PCNX2: variants seen among roughly 807,000 people sequenced by gnomAD.
The protein encoded by PCNX2 is pecanex-like protein 2.
Under a neutral mutation model 223.8 loss-of-function variants are expected in PCNX2, and 168 were observed. The ratio of observed to expected loss-of-function variants is 0.75; its 90% CI spans 0.66 to 0.85. The LOEUF is 0.85. Ranked by LOEUF, PCNX2 falls within the 40% of genes least tolerant of loss-of-function variation. The pLI, the probability that PCNX2 is intolerant of heterozygous loss-of-function variation, is 0.00. For missense variants in PCNX2, 2,507 were observed against 2,675.5 expected (o/e 0.94, Z 1.39); for synonymous variants, 1,006 against 1,052.6 (o/e 0.96, Z 0.86).
At chr1:233,238,887 T>G (rs1273186071) in intron 8 of PCNX2, among the ~76,000 whole-genome samples, 1 of 152,178 alleles carries the variant, frequency 6.6e-6, no homozygotes, top group Non-Finnish European at 1.5e-5. Flanking sequence ...TATTTAATGT[T>G]TGCTCCTAAA....
intron 21 of PCNX2, among the ~76,000 whole-genome samples, chr1:233,133,904 C>T (rs1676654153): frequency 6.6e-6 from 1 of 151,708 alleles, no homozygotes; most frequent in Non-Finnish European, 1.5e-5. Context: ...AATTCACGTG[C>T]AATGGTGGGG....
chr1:233,117,089 A>C (rs1675456740), intron 21 of PCNX2, among the ~76,000 whole-genome samples: 1 of 152,212 alleles, frequency 6.6e-6, no homozygotes, highest in Non-Finnish European at 1.5e-5. Context: ...CAGAAAACCC[A>C]ATATGAAATA....
intron 28 of PCNX2, among the ~76,000 whole-genome samples, chr1:233,006,571 A>G (rs1355490307): frequency 6.6e-6 from 1 of 152,212 alleles, no homozygotes; most frequent in East Asian, 1.9e-4. Context: ...GTGGAGGAGA[A>G]GGGCTCCAAG....
intron 19 of PCNX2, among the ~76,000 whole-genome samples, chr1:233,147,045 C>A (rs1353999476): frequency 6.6e-6 from 1 of 152,172 alleles, no homozygotes; most frequent in Non-Finnish European, 1.5e-5. Context: ...ACTATCCATG[C>A]CTTTCCAAAT....
chr1:233,184,779 T>G (rs959988450), intron 15 of PCNX2, among the ~76,000 whole-genome samples: 10 of 152,156 alleles, frequency 6.6e-5, no homozygotes, highest in African/African-American at 2.4e-4. Context: ...GGAAGAAGGA[T>G]GTTTATGTCC....
At chr1:233,190,734 C>A (rs1042848957) in intron 15 of PCNX2, among the ~76,000 whole-genome samples, 2 of 152,182 alleles carry the variant, frequency 1.3e-5, no homozygotes, top group Admixed American at 6.5e-5. Context: ...CTTTCCATCA[C>A]AGAGTTAACG....
chr1:233,249,036 G>A (rs1278237665), intron 8 of PCNX2, among the ~76,000 whole-genome samples: 3 of 152,202 alleles, frequency 2.0e-5, no homozygotes, highest in Non-Finnish European at 2.9e-5. Flanking sequence ...AATTTACGGG[G>A]AGAAAGCAAG....
At position 233,295,047 on chromosome 1, in the gene PCNX2, C is replaced by G. The variant is rs2103033766; in HGVS notation, c.153+279G>C. Reference sequence around the variant, plus strand: ...ACCTACAAAACAGGCTGCACGCTCCCTGCCACAAGCAGAGTGACTCATCCT... The same window carrying G: ...ACCTACAAAACAGGCTGCACGCTCCGTGCCACAAGCAGAGTGACTCATCCT... On this transcript the variant is annotated intron_variant, in intron 1 of 33. Coordinates refer to ENST00000258229, the MANE Select transcript of PCNX2 (RefSeq NM_014801.4). This position sits in a 1 kb window ranked among gnomAD's most constrained non-coding sequence, Gnocchi z 4.1. 6.6e-6 allele frequency among the ~76,000 whole-genome samples: 1 copy of G among 152,294 alleles called. No individual in the cohort carries two copies. The highest frequency in any genetic ancestry group is 2.4e-5 in the African/African-American group (1 of 41,564).
the PCNX2 span, among the ~76,000 whole-genome samples, chr1:233,302,643 A>G: frequency 2.7e-5 from 2 of 73,472 alleles, no homozygotes; most frequent in African/African-American, 4.4e-5. Context: ...TTCTCCTTCC[A>G]TCATATATAT....
intron 9 of PCNX2, chr1:233,231,605 G>T: frequency 1.0e-6 from 1 of 962,398 alleles, no homozygotes; most frequent in Non-Finnish European, 1.2e-6. Context: ...TTCTCAGAAC[G>T]TATCTGTAGA....
Position 233,293,514 on chromosome 1 carries a change from G to A in PCNX2, c.153+1812C>T, listed in dbSNP as rs118076880. On this transcript the variant is annotated intron_variant, in intron 1 of 33. Coordinates refer to ENST00000258229, the MANE Select transcript of PCNX2 (RefSeq NM_014801.4). ...AACAACTAAGTACCAGACAGAATTCGAAAAGTACTATTAATGCTAATAGTC... is the reference window on the plus strand; with the variant it reads ...AACAACTAAGTACCAGACAGAATTCAAAAAGTACTATTAATGCTAATAGTC... Among the ~76,000 whole-genome samples the A allele has an allele frequency of 6.4e-4, 98 of 152,270 alleles. 1 individual carries two copies. In the East Asian group the frequency reaches 0.011, roughly 17 times the overall value.
the PCNX2 span, among the ~76,000 whole-genome samples, chr1:233,316,398 CTT>C: frequency 6.6e-6 from 1 of 151,864 alleles, no homozygotes; most frequent in Non-Finnish European, 1.5e-5. Flanking sequence ...TTTAACTGCA[CTT>C]TTTTTTCACT....
chr1:233,170,159 G>A (rs1679066877), intron 17 of PCNX2, among the ~76,000 whole-genome samples: 1 of 152,182 alleles, frequency 6.6e-6, no homozygotes, highest in African/African-American at 2.4e-5. Context: ...ATTTGCTCCA[G>A]AATAAGTACC....
In PCNX2 at chr1:233,054,684, T is replaced by C. The variant is rs1226946901; in HGVS notation, c.4136-201A>G. The C allele has an allele frequency of 9.3e-6, 5 of 537,206 alleles. No homozygotes were observed. In the African/African-American group the frequency reaches 9.5e-5, roughly 10 times the overall value. The allele number at this position is 537,206 out of a possible 1,614,324, so 33.3% of individuals were successfully genotyped here. A position where few individuals can be genotyped will look rare whatever the true frequency, so the allele number is the denominator to read the frequency against. On this transcript the variant is annotated intron_variant, in intron 24 of 33. Coordinates refer to ENST00000258229, the MANE Select transcript of PCNX2 (RefSeq NM_014801.4). ...TTCCCTCAATATTCTCTCTGTGTAA[T>C]TTATAGGCCATAAGCAGCATCGATT...
intron 23 of PCNX2, among the ~76,000 whole-genome samples, chr1:233,078,786 G>C (rs921877374): frequency 6.6e-6 from 1 of 152,154 alleles, no homozygotes; most frequent in Non-Finnish European, 1.5e-5. Flanking sequence ...ATGCACAACA[G>C]CACAATGCAT....
chr1:233,229,073 A>T (rs80035007), intron 9 of PCNX2, among the ~76,000 whole-genome samples: 1,836 of 152,320 alleles, frequency 0.012, 36 homozygotes, highest in African/African-American at 0.042. Flanking sequence ...ACATGGGCAG[A>T]CAGCACAACT....
rs975103693 is a variant in PCNX2, at chr1:233,014,595, G to A, written c.4952+70C>T. The A allele has an allele frequency of 3.0e-5, 37 of 1,221,166 alleles. No individual in the cohort carries two copies. In the African/African-American group the frequency reaches 5.0e-4, roughly 16 times the overall value. 75.6% of individuals were successfully genotyped at this position (1,221,166 alleles called of 1,614,324 possible). A position where few individuals can be genotyped will look rare whatever the true frequency, so the allele number is the denominator to read the frequency against. On this transcript the variant is annotated intron_variant, in intron 28 of 33. Transcript: ENST00000258229. ...CAGCTTCAAAATAAAGGAAATGATT[G>A]ACAAAATCTGTCAAACATGTGAAAG...
intron 21 of PCNX2, among the ~76,000 whole-genome samples, chr1:233,109,397 T>C (rs567311306): frequency 1.3e-4 from 20 of 152,242 alleles, no homozygotes; most frequent in Admixed American, 7.8e-4. Context: ...AAAAGAACTG[T>C]GATTAATATG....
intron 15 of PCNX2, among the ~76,000 whole-genome samples, chr1:233,192,355 T>C (rs1680470538): frequency 6.6e-6 from 1 of 152,212 alleles, no homozygotes; most frequent in South Asian, 2.1e-4. Flanking sequence ...GATCTTCACA[T>C]TGTTTAAGAG....
Sources: gnomAD v4.1 joint callset for allele counts (sites outside exome capture counted in the v4.1 genomes callset) on GRCh38, gnomAD v4.1.1 for gene constraint, Gnocchi (gnomAD v3.1) non-coding constraint, MANE v1.5 for transcripts, NCBI Gene and HGNC (gene_info 2026-07-23, HGNC 2026-07-21) for gene names.